The following KCNH8 variants were observed in gnomAD, a reference collection of about 807,000 sequenced individuals.
KCNH8 encodes potassium voltage-gated channel subfamily H member 8, also known as voltage-gated delayed rectifier potassium channel KCNH8.
Under a neutral mutation model 103.6 loss-of-function variants are expected in KCNH8, and 70 were observed. That is an observed-to-expected ratio of 0.68 (90% confidence interval 0.56 to 0.82). The LOEUF (loss-of-function observed/expected upper bound fraction) is 0.82, where lower values mean the gene tolerates loss of function less well. Among genes scored for constraint, KCNH8 ranks in the 40% least tolerant of loss-of-function variants. The pLI is 0.00. For missense variants in KCNH8, 1,217 were observed against 1,329.9 expected (o/e 0.92, Z 1.32); for synonymous variants, 498 against 489.4 (o/e 1.02, Z -0.23).
intron 10 of KCNH8, among the ~76,000 whole-genome samples, chr3:19,453,401 A>G (rs1575083247): frequency 6.6e-6 from 1 of 152,180 alleles, no homozygotes; most frequent in African/African-American, 2.4e-5. Flanking sequence ...CCTTCTATCA[A>G]TGGATTCTGG....
chr3:19,235,087 G>C (rs538295128), intron 1 of KCNH8, among the ~76,000 whole-genome samples: 1 of 152,280 alleles, frequency 6.6e-6, no homozygotes, highest in Non-Finnish European at 1.5e-5. Context: ...GTGACGTTAG[G>C]AGAAATGTGC....
chr3:19,497,491 T>C (rs1441063355), intron 11 of KCNH8, among the ~76,000 whole-genome samples: 4 of 152,208 alleles, frequency 2.6e-5, no homozygotes, highest in Non-Finnish European at 5.9e-5. Flanking sequence ...CTGCCTTAGT[T>C]TATTTACGTA....
At chr3:19,385,978 C>T (rs1296055132) in intron 5 of KCNH8, among the ~76,000 whole-genome samples, 1 of 152,014 alleles carries the variant, frequency 6.6e-6, no homozygotes, top group Non-Finnish European at 1.5e-5. Flanking sequence ...AACAAGTAAG[C>T]CAATATGATT....
At chr3:19,251,635 TG>T (rs938430095) in intron 1 of KCNH8, among the ~76,000 whole-genome samples, 4 of 152,148 alleles carry the variant, frequency 2.6e-5, no homozygotes, top group Non-Finnish European at 5.9e-5. Context: ...AAGAAGTAGC[TG>T]GAGTACCTTC....
intron 1 of KCNH8, among the ~76,000 whole-genome samples, chr3:19,224,838 C>CA (rs1239623668): frequency 1.3e-5 from 2 of 152,098 alleles, no homozygotes; most frequent in Non-Finnish European, 2.9e-5. Context: ...GAGTACTGTA[C>CA]AAACAGATGA....
chr3:19,394,564 G>A (rs940874705), intron 6 of KCNH8, among the ~76,000 whole-genome samples: 2 of 152,048 alleles, frequency 1.3e-5, no homozygotes, highest in Non-Finnish European at 2.9e-5. Context: ...TATAGTACAT[G>A]AGGCAGAAGA....
At chr3:19,486,322 C>T (rs1488279426) in intron 11 of KCNH8, among the ~76,000 whole-genome samples, 1 of 152,246 alleles carries the variant, frequency 6.6e-6, no homozygotes, top group African/African-American at 2.4e-5. Flanking sequence ...TTTCACAAAG[C>T]AAGCTTTGGT....
chr3:19,475,659 A>G (rs77946307), intron 11 of KCNH8, among the ~76,000 whole-genome samples: 8,560 of 152,254 alleles, frequency 0.056, 817 homozygotes, highest in African/African-American at 0.19. Context: ...TAACTGGAGA[A>G]TAATTTCTCC....
At position 19,301,651 on chromosome 3, in the gene KCNH8, T is replaced by G. The variant is rs145783092; in HGVS notation, c.442+20322T>G. Among the ~76,000 whole-genome samples the G allele has an allele frequency of 3.3e-4, 51 of 152,300 alleles. 1 individual carries two copies. The highest frequency in any genetic ancestry group is 1.2e-3 in the African/African-American group (50 of 41,578). On this transcript the variant is annotated intron_variant, in intron 3 of 15. Coordinates refer to ENST00000328405, the MANE Select transcript of KCNH8 (RefSeq NM_144633.3). ...GGTGTCCTGTAATTTAATTCAATTC[T>G]GACACTAACTATCTGAAGTTAGTGA...
chr3:19,154,779 T>C (rs140925538), intron 1 of KCNH8, among the ~76,000 whole-genome samples: 3 of 152,300 alleles, frequency 2.0e-5, no homozygotes, highest in Non-Finnish European at 4.4e-5. Context: ...AGAAAAAGAA[T>C]TGAGGGTTTG....
chr3:19,401,058 T>A (rs1408840172), intron 7 of KCNH8, among the ~76,000 whole-genome samples: 1 of 152,024 alleles, frequency 6.6e-6, no homozygotes, highest in Non-Finnish European at 1.5e-5. Context: ...GAAGGACTCC[T>A]GGATTTATTT....
chr3:19,523,019 C>T (rs1357236021), intron 15 of KCNH8, among the ~76,000 whole-genome samples: 5 of 151,798 alleles, frequency 3.3e-5, no homozygotes, highest in Non-Finnish European at 7.4e-5. Flanking sequence ...CTGAGGCTCA[C>T]TACTTTGCTG....
chr3:19,510,448 A>T, intron 12 of KCNH8, 47 bp downstream of exon 12: 1 of 1,132,716 alleles, frequency 8.8e-7, no homozygotes, highest in Non-Finnish European at 1.3e-6. Context: ...AATCTGGAGG[A>T]TTACCAATAA....
chr3:19,425,024 T>A (rs561649211), intron 7 of KCNH8, among the ~76,000 whole-genome samples: 39 of 152,148 alleles, frequency 2.6e-4, no homozygotes, highest in Non-Finnish European at 5.3e-4. Context: ...TTAGCCATTA[T>A]ATTAAATATC....
chr3:19,451,240 G>T lies in KCNH8; in HGVS notation c.1661G>T (p.Cys554Phe). 1 of 1,613,822 alleles carries T rather than the reference G, an allele frequency of 6.2e-7. No individual in the cohort carries two copies. ...KEILQLSLFE[C>F]ASRGCLRSLS... The stretch of plus-strand genomic sequence containing the variant: ...ATCTTACAGTTGTCCCTTTTTGAAT[G>T]TGCCAGCCGGGGCTGCCTCAGGTCT... Residue 554 changes from cysteine (C) to phenylalanine (F), a missense_variant, in exon 10 of 16, where the codon TGT becomes TTT. By Grantham distance (205) the Cys-to-Phe change is radical. Transcript: ENST00000328405.
rs750120226 is a variant in KCNH8 at position 19,158,305 on chromosome 3, A to C, written c.76+9510A>C. Among the ~76,000 whole-genome samples, 46 of 151,574 alleles carry C rather than the reference A, an allele frequency of 3.0e-4. 1 individual carries two copies. The highest frequency in any genetic ancestry group is 4.3e-4 in the Non-Finnish European group (29 of 67,688). ...ATTCTATTTCTTGACTTTCTATCCT[A>C]TTATATTAACTGATCTTTTTCTGTA... On this transcript the variant is annotated intron_variant, in intron 1 of 15. Transcript: ENST00000328405.
At chr3:19,255,323 C>T (rs950297089) in intron 2 of KCNH8, among the ~76,000 whole-genome samples, 6 of 152,058 alleles carry the variant, frequency 3.9e-5, no homozygotes, top group South Asian at 4.1e-4. Context: ...CAAACTAATA[C>T]GCATATATTA....
intron 11 of KCNH8, among the ~76,000 whole-genome samples, chr3:19,464,495 G>A (rs1009365597): frequency 1.3e-5 from 2 of 151,930 alleles, no homozygotes; most frequent in East Asian, 3.9e-4. Context: ...TTCTTGAGGA[G>A]GACATGGACT....
intron 11 of KCNH8, among the ~76,000 whole-genome samples, chr3:19,470,344 C>A (rs1427300171): frequency 6.6e-6 from 1 of 152,184 alleles, no homozygotes; most frequent in Admixed American, 6.5e-5. Flanking sequence ...CATTATCTCT[C>A]TGTTTCTTAC....
Sources: gnomAD v4.1 joint callset for allele counts (sites outside exome capture counted in the v4.1 genomes callset) on GRCh38, gnomAD v4.1.1 for gene constraint, MANE v1.5 for transcripts, NCBI Gene and HGNC (gene_info 2026-07-23, HGNC 2026-07-21) for gene names.